KCTD1: variants seen among roughly 807,000 people sequenced by gnomAD.
The protein encoded by KCTD1 is BTB/POZ domain-containing protein KCTD1.
A neutral mutation model predicts 66.0 loss-of-function variants in KCTD1; 24 were observed. That is an observed-to-expected ratio of 0.36 (90% CI 0.26 to 0.51). The LOEUF (loss-of-function observed/expected upper bound fraction) is 0.51, where lower values mean the gene tolerates loss of function less well. Among genes scored for constraint, KCTD1 ranks in the 20% least tolerant of loss-of-function variants. The pLI, the probability that KCTD1 is intolerant of heterozygous loss-of-function variation, is 0.95. For synonymous variants in KCTD1, 511 were observed against 517.2 expected, an observed-to-expected ratio of 0.99 and a Z score of 0.16; for missense variants, 943 against 1,205.2, an observed-to-expected ratio of 0.78 and a Z score of 3.22.
At chr18:26,611,056 C>G (rs1419905470) in intron 1 of KCTD1, among the ~76,000 whole-genome samples, 1 of 152,132 alleles carries the variant, frequency 6.6e-6, no homozygotes, top group Non-Finnish European at 1.5e-5. Context: ...ATCTGGCTCT[C>G]TCTCTCTCCT....
intron 1 of KCTD1, among the ~76,000 whole-genome samples, chr18:26,580,012 A>T (rs144948730): frequency 6.6e-6 from 1 of 152,300 alleles, no homozygotes; most frequent in East Asian, 1.9e-4. Context: ...TTCTCTCAGA[A>T]GCAGGTAAGT....
chr18:26,564,188 TGC>T (rs1236788152), intron 1 of KCTD1, among the ~76,000 whole-genome samples: 1 of 152,186 alleles, frequency 6.6e-6, no homozygotes, highest in Non-Finnish European at 1.5e-5. Flanking sequence ...AGGACTGGGA[TGC>T]TAACTCAGAC....
At chr18:26,549,918 G>A (rs932831342), upstream of KCTD1, 10 of 513,840 alleles carry the variant, frequency 1.9e-5, no homozygotes, top group Non-Finnish European at 2.5e-5. Flanking sequence ...GCGTCCTTGC[G>A]TCGCCGCCTC....
upstream of KCTD1, among the ~76,000 whole-genome samples, chr18:26,631,111 T>C (rs1177791122): frequency 6.6e-6 from 1 of 152,216 alleles, no homozygotes; most frequent in East Asian, 1.9e-4. Context: ...ATTTCATTTA[T>C]AAATAAAGAT....
At chr18:26,499,858 C>T (rs1433212212) in intron 2 of KCTD1, among the ~76,000 whole-genome samples, 1 of 152,192 alleles carries the variant, frequency 6.6e-6, no homozygotes, top group African/African-American at 2.4e-5. Flanking sequence ...TGAATGCATG[C>T]CTCCTCCCCT....
rs777247065 is a variant in KCTD1 at position 26,455,455 on chromosome 18, G to A, written c.*288C>T. The A allele has an allele frequency of 2.2e-4, 39 of 175,106 alleles. No homozygotes were observed. The highest frequency in any genetic ancestry group is 3.5e-4 in the Non-Finnish European group (30 of 85,884). 10.8% of individuals were successfully genotyped at this position (175,106 alleles called of 1,614,324 possible). A position where few individuals can be genotyped will look rare whatever the true frequency, so the allele number is the denominator to read the frequency against. ...CTCGGAAGGCCCAGGACACTTCACG[G>A]CCATCACAGCACCAACTGCGGCTGT... On this transcript the variant is annotated 3_prime_UTR_variant, in exon 5 of 5. Transcript: ENST00000580059.
At chr18:26,552,862 TAA>T (rs1024804565), upstream of KCTD1, among the ~76,000 whole-genome samples, 5 of 152,284 alleles carry the variant, frequency 3.3e-5, no homozygotes, top group Admixed American at 2.6e-4. Flanking sequence ...AGACACAAAT[TAA>T]AAGAGACGCC....
intron 2 of KCTD1, among the ~76,000 whole-genome samples, chr18:26,483,768 C>T (rs985646508): frequency 5.9e-5 from 9 of 151,870 alleles, no homozygotes; most frequent in East Asian, 1.9e-4. Flanking sequence ...TGTGTGTGTG[C>T]ACACATGAGA....
At chr18:26,614,280 G>A (rs1017785800) in intron 1 of KCTD1, among the ~76,000 whole-genome samples, 1 of 152,208 alleles carries the variant, frequency 6.6e-6, no homozygotes, top group African/African-American at 2.4e-5. Flanking sequence ...TTTCTTCTCT[G>A]TGCAAAGGCA....
Position 26,537,640 on chromosome 18 carries a change from AT to A in KCTD1, c.1809+9087del, listed in dbSNP as rs779738997. 3.9e-5 allele frequency among the ~76,000 whole-genome samples: 6 copies of A among 152,370 alleles called. No individual in the cohort carries two copies. In the East Asian group the frequency reaches 1.2e-3, roughly 29 times the overall value. On this transcript the variant is annotated intron_variant, in intron 1 of 4. Transcript: ENST00000580059. ...GTCAAGTATTAGAAAATTGTGGTGC[AT>A]TTTTGCATTAGGGAAACGTAAACAT...
intron 3 of KCTD1, among the ~76,000 whole-genome samples, chr18:26,461,277 A>G (rs1980410506): frequency 1.3e-5 from 2 of 152,204 alleles, no homozygotes; most frequent in African/African-American, 4.8e-5. Context: ...TAGCTGGGTA[A>G]TCCACTTTCC....
intron 1 of KCTD1, among the ~76,000 whole-genome samples, chr18:26,573,782 T>C (rs1278488811): frequency 6.6e-6 from 1 of 152,240 alleles, no homozygotes; most frequent in Non-Finnish European, 1.5e-5. Context: ...ATATACATCA[T>C]GTTTTTCAAT....
intron 2 of KCTD1, among the ~76,000 whole-genome samples, chr18:26,481,037 T>C (rs1981621245): frequency 6.6e-6 from 1 of 152,254 alleles, no homozygotes. Flanking sequence ...CTGATATCTC[T>C]AATTTCCTGT....
intron 1 of KCTD1, among the ~76,000 whole-genome samples, chr18:26,650,112 T>C (rs1289606085): frequency 2.0e-5 from 3 of 152,190 alleles, no homozygotes; most frequent in Non-Finnish European, 2.9e-5. Flanking sequence ...GGACCATCTT[T>C]GAGGCAACGT....
chr18:26,519,453 T>C (rs752700812), intron 1 of KCTD1, among the ~76,000 whole-genome samples: 4 of 152,214 alleles, frequency 2.6e-5, no homozygotes, highest in Non-Finnish European at 4.4e-5. Flanking sequence ...TATTTGAAAA[T>C]GCTCTGGTCT....
intron 1 of KCTD1, chr18:26,545,026 C>T (rs139749829): frequency 1.3e-4 from 20 of 152,286 alleles, no homozygotes; most frequent in Non-Finnish European, 2.6e-4. Flanking sequence ...GACTGAAAGA[C>T]TGCATTCCTT....
At chr18:26,576,418 AT>A (rs144685092) in intron 1 of KCTD1, among the ~76,000 whole-genome samples, 1,895 of 152,278 alleles carry the variant, frequency 0.012, 49 homozygotes, top group African/African-American at 0.043. Flanking sequence ...ATATAACTGA[AT>A]TCCTATCAAA....
At chr18:26,639,790 A>G (rs1327225459) in intron 1 of KCTD1, among the ~76,000 whole-genome samples, 1 of 152,172 alleles carries the variant, frequency 6.6e-6, no homozygotes, top group Non-Finnish European at 1.5e-5. Flanking sequence ...CCTGGGTCGC[A>G]TAGTTGGAAG....
chr18:26,555,212 C>G (rs1985678268), intron 1 of KCTD1, among the ~76,000 whole-genome samples: 1 of 152,186 alleles, frequency 6.6e-6, no homozygotes, highest in African/African-American at 2.4e-5. Flanking sequence ...ATAAAGTGGT[C>G]TACTAAGTTA....
Sources: allele counts gnomAD v4.1 joint callset (sites outside exome capture counted in the v4.1 genomes callset), GRCh38; gene constraint gnomAD v4.1.1; transcripts MANE v1.5; gene names NCBI Gene and HGNC (gene_info 2026-07-23, HGNC 2026-07-21).